The following ANKRD30B variants were observed in gnomAD, a reference collection of about 807,000 sequenced individuals.
The protein encoded by ANKRD30B is ankyrin repeat domain-containing protein 30B.
A neutral mutation model predicts 202.2 loss-of-function variants in ANKRD30B; 144 were observed. The observed-to-expected ratio is 0.71, with a 90% confidence interval of 0.62 to 0.82. The LOEUF is 0.82. Among genes scored for constraint, ANKRD30B ranks in the 40% least tolerant of loss-of-function variants. The pLI is 0.00. For synonymous variants in ANKRD30B, 508 were observed against 561.3 expected (o/e 0.91, Z 1.34); for missense variants, 1,487 against 1,669.1 (o/e 0.89, Z 1.90).
chr18:14,859,191 G>C (rs1174662902), downstream of ANKRD30B, among the ~76,000 whole-genome samples: 1 of 94,016 alleles, frequency 1.1e-5, no homozygotes, highest in Non-Finnish European at 2.2e-5. Flanking sequence ...TGGCAGAGGC[G>C]CTCCTCACCT....
the ANKRD30B span, among the ~76,000 whole-genome samples, chr18:14,915,933 G>A: frequency 2.0e-5 from 3 of 152,168 alleles, no homozygotes. Flanking sequence ...GTTGTATTAG[G>A]TATTAGAAGT....
the ANKRD30B span, among the ~76,000 whole-genome samples, chr18:14,864,374 A>T: frequency 6.6e-6 from 1 of 152,142 alleles, no homozygotes; most frequent in East Asian, 1.9e-4. Flanking sequence ...AAACAAAAAA[A>T]ACCCTGAAAT....
intron 34 of ANKRD30B, among the ~76,000 whole-genome samples, chr18:14,835,217 AATT>A (rs1971119922): frequency 6.6e-6 from 1 of 151,824 alleles, no homozygotes; most frequent in Non-Finnish European, 1.5e-5. Flanking sequence ...GAAATGTAGA[AATT>A]ATTAATCTCT....
chr18:14,779,867 C>T, intron 10 of ANKRD30B, 93 bp from the exon 11 acceptor site: 1 of 871,690 alleles, frequency 1.1e-6, no homozygotes, highest in Non-Finnish European at 1.8e-6. Context: ...GAAGAAAGTC[C>T]ACAGATTCAT....
chr18:14,937,715 G>A, the ANKRD30B span, among the ~76,000 whole-genome samples: 1 of 152,216 alleles, frequency 6.6e-6, no homozygotes, highest in African/African-American at 2.4e-5. Context: ...CTGTGCTTTT[G>A]TTGCTCCGTT....
the ANKRD30B span, among the ~76,000 whole-genome samples, chr18:14,922,002 A>C: frequency 2.0e-5 from 3 of 152,246 alleles, no homozygotes. Context: ...ATTAGAACCA[A>C]GAATCAGGTG....
chr18:14,916,671 A>G, the ANKRD30B span, among the ~76,000 whole-genome samples: 2 of 152,038 alleles, frequency 1.3e-5, no homozygotes, highest in Admixed American at 1.3e-4. Flanking sequence ...TACTAAATTA[A>G]TTTTTCTATT....
At chr18:14,893,195 A>G in the ANKRD30B span, among the ~76,000 whole-genome samples, 1 of 152,142 alleles carries the variant, frequency 6.6e-6, no homozygotes, top group African/African-American at 2.4e-5. Flanking sequence ...TTTGTTCCAT[A>G]TCCTACGACC....
In ANKRD30B at chr18:14,756,861, C is replaced by T. The variant is rs558605689; in HGVS notation, c.618-954C>T. ...GAGCTGAGATCATGCTACCACACTC[C>T]AGCCTGGGTAATAGAGCGAGATTCT... On this transcript the variant is annotated intron_variant, in intron 4 of 43. Coordinates refer to ENST00000690538, the MANE Select transcript of ANKRD30B (RefSeq NM_001367607.2). 3.9e-5 allele frequency among the ~76,000 whole-genome samples: 6 copies of T among 152,210 alleles called. No individual in the cohort carries two copies. The East Asian group carries it at 1.2e-3, about 29-fold the overall frequency.
At chr18:14,786,880 G>A (rs1968115342) in intron 14 of ANKRD30B, among the ~76,000 whole-genome samples, 159 bp from the exon 15 acceptor site, 1 of 152,090 alleles carries the variant, frequency 6.6e-6, no homozygotes, top group Non-Finnish European at 1.5e-5. Context: ...CAATTCTGAT[G>A]GAGTGACTAT....
chr18:14,888,365 TTAAA>T, the ANKRD30B span, among the ~76,000 whole-genome samples: 1 of 152,030 alleles, frequency 6.6e-6, no homozygotes, highest in Non-Finnish European at 1.5e-5. Flanking sequence ...ATAGGAATGT[TTAAA>T]TAATCATTAT....
At chr18:14,848,359 C>A (rs141659867) in intron 39 of ANKRD30B, among the ~76,000 whole-genome samples, 2 of 152,086 alleles carry the variant, frequency 1.3e-5, no homozygotes, top group South Asian at 4.1e-4. Flanking sequence ...TTTCTTCCCC[C>A]CTTGCTCAAC....
chr18:14,788,198 T>C (rs1183804388), intron 15 of ANKRD30B, among the ~76,000 whole-genome samples: 3 of 152,188 alleles, frequency 2.0e-5, no homozygotes, highest in Non-Finnish European at 4.4e-5. Flanking sequence ...TTGTATTTTG[T>C]TTGAAATGTC....
chr18:14,776,396 G>T (rs189998266), intron 9 of ANKRD30B, among the ~76,000 whole-genome samples: 3 of 152,338 alleles, frequency 2.0e-5, no homozygotes, highest in African/African-American at 7.2e-5. Context: ...ATTAGCATGC[G>T]TATGGGAGTG....
chr18:14,870,650 C>A, the ANKRD30B span, among the ~76,000 whole-genome samples: 1 of 152,132 alleles, frequency 6.6e-6, no homozygotes, highest in Admixed American at 6.5e-5. Flanking sequence ...CTGCCTACAC[C>A]CTCTTCTATC....
At chr18:14,897,727 C>A in the ANKRD30B span, among the ~76,000 whole-genome samples, 2 of 152,056 alleles carry the variant, frequency 1.3e-5, no homozygotes, top group East Asian at 3.9e-4. Context: ...CATCTCTGTG[C>A]CTATAGGTCA....
In ANKRD30B at chr18:14,764,088, A is replaced by G. The variant is rs538614369; in HGVS notation, c.1223A>G (p.Asn408Ser). 178 of 1,510,130 alleles carry G rather than the reference A, an allele frequency of 1.2e-4. No individual in the cohort carries two copies. In the African/African-American group the frequency reaches 2.4e-3, roughly 20 times the overall value. The allele number at this position is 1,510,130 out of a possible 1,614,324, so 93.5% of individuals were successfully genotyped here. ...TKETSTKAST[N>S]VDVSSVEPIF... ...GAAACATCTACAAAAGCAAGTACAA[A>G]TGGTAAGATGCTTGAGTGAACTTTG... Residue 408 changes from asparagine to serine, a missense_variant and splice_region_variant, in exon 7 of 44, where the codon AAT becomes AGT. This residue lies in a region of ANKRD30B where 889 missense variants were observed against 841.4 expected (regional missense o/e 1.06). Transcript: ENST00000690538.
In ANKRD30B at chr18:14,755,017, C is replaced by CTT. The variant is rs543014155; in HGVS notation, c.617+20_617+21dup. 2.0e-5 allele frequency: 27 copies of CTT among 1,381,482 alleles called. No individual in the cohort carries two copies. The highest frequency in any genetic ancestry group is 8.3e-5 in the South Asian group (5 of 60,198). 85.6% of individuals were successfully genotyped at this position (1,381,482 alleles called of 1,614,324 possible). A position where few individuals can be genotyped will look rare whatever the true frequency, so the allele number is the denominator to read the frequency against. Reference sequence around the variant, plus strand: ...AATGAGTCTAAATGGTATGGTAGTTCTTTTTTTTTACTAAAAAACACTTGA... The same window carrying CTT: ...AATGAGTCTAAATGGTATGGTAGTTCTTTTTTTTTTTACTAAAAAACACTTGA... On this transcript the variant is annotated intron_variant, in intron 4 of 43. Coordinates refer to ENST00000690538, the MANE Select transcript of ANKRD30B (RefSeq NM_001367607.2).
At chr18:14,929,474 C>T in the ANKRD30B span, among the ~76,000 whole-genome samples, 7 of 152,170 alleles carry the variant, frequency 4.6e-5, no homozygotes, top group East Asian at 1.9e-4. Context: ...CTGGCCTACA[C>T]GAGGCCCTTA....
Sources: allele counts gnomAD v4.1 joint callset (sites outside exome capture counted in the v4.1 genomes callset), GRCh38; gene constraint gnomAD v4.1.1; regional missense constraint gnomAD v4.1.1; transcripts MANE v1.5; gene names NCBI Gene and HGNC (gene_info 2026-07-23, HGNC 2026-07-21).